Variants in NKAIN2 observed in about 807,000 individuals in gnomAD.
NKAIN2 encodes sodium/potassium-transporting ATPase subunit beta-1-interacting protein 2.
Under a neutral mutation model 32.6 loss-of-function variants are expected in NKAIN2, and 14 were observed. The ratio of observed to expected loss-of-function variants is 0.43; its 90% CI spans 0.28 to 0.67. NKAIN2 has a LOEUF of 0.67. Among genes scored for constraint, NKAIN2 ranks in the 30% least tolerant of loss-of-function variants. The pLI is 0.17. For synonymous variants in NKAIN2, 80 were observed against 87.2 expected, an observed-to-expected ratio of 0.92 and a Z score of 0.46; for missense variants, 198 against 258.3, an observed-to-expected ratio of 0.77 and a Z score of 1.60.
At chr6:124,752,541 A>ATG (rs138478641) in intron 4 of NKAIN2, among the ~76,000 whole-genome samples, 4,149 of 148,968 alleles carry the variant, frequency 0.028, 63 homozygotes, top group Non-Finnish European at 0.033. Context: ...ATATGTGGGT[A>ATG]TGTGTGTGTG....
chr6:124,616,098 A>C (rs151218882), intron 3 of NKAIN2, among the ~76,000 whole-genome samples: 56 of 151,782 alleles, frequency 3.7e-4, no homozygotes, highest in African/African-American at 1.4e-3. Context: ...TTTCTTTTGT[A>C]TTCTTCCCTT....
At chr6:124,277,163 G>C (rs907217500) in intron 1 of NKAIN2, among the ~76,000 whole-genome samples, 4 of 151,942 alleles carry the variant, frequency 2.6e-5, no homozygotes, top group Non-Finnish European at 2.9e-5. Flanking sequence ...ATCTCTGTGG[G>C]GCAGGAAACA....
chr6:124,201,707 G>A (rs980425673), intron 1 of NKAIN2, among the ~76,000 whole-genome samples: 1 of 151,908 alleles, frequency 6.6e-6, no homozygotes, highest in Non-Finnish European at 1.5e-5. Flanking sequence ...TACAATATTC[G>A]TTTTCACGTC....
intron 2 of NKAIN2, among the ~76,000 whole-genome samples, chr6:124,303,645 C>T (rs1562481003): frequency 2.0e-5 from 3 of 152,194 alleles, no homozygotes; most frequent in Non-Finnish European, 4.4e-5. Context: ...CAGAACTCAA[C>T]AAGGTGGGTT....
chr6:123,842,627 T>A (rs1168831510), intron 1 of NKAIN2, among the ~76,000 whole-genome samples: 1 of 152,120 alleles, frequency 6.6e-6, no homozygotes, highest in Non-Finnish European at 1.5e-5. Context: ...CTTCAGCAAG[T>A]GGAATCTTTG....
At chr6:124,573,484 T>TTAAAAAA (rs1781212059) in intron 3 of NKAIN2, among the ~76,000 whole-genome samples, 1 of 152,158 alleles carries the variant, frequency 6.6e-6, no homozygotes, top group Non-Finnish European at 1.5e-5. Flanking sequence ...TCTCTTTTTC[T>TTAAAAAA]GGGTATTTTA....
chr6:123,867,051 A>G (rs1772562421), intron 1 of NKAIN2, among the ~76,000 whole-genome samples: 2 of 152,134 alleles, frequency 1.3e-5, no homozygotes, highest in Admixed American at 6.5e-5. Context: ...GACCTCCACT[A>G]TTATCTGTCT....
intron 4 of NKAIN2, among the ~76,000 whole-genome samples, chr6:124,722,628 C>A (rs1199737792): frequency 1.3e-5 from 2 of 152,198 alleles, no homozygotes; most frequent in East Asian, 3.9e-4. Flanking sequence ...CAACAGGAGG[C>A]AGAGCTCAGA....
At chr6:124,216,961 T>C (rs1407780517) in intron 1 of NKAIN2, among the ~76,000 whole-genome samples, 1 of 152,132 alleles carries the variant, frequency 6.6e-6, no homozygotes, top group African/African-American at 2.4e-5. Context: ...ATAACAAGAA[T>C]TGACTGTATA....
At chr6:124,635,900 C>T (rs1234240292) in intron 3 of NKAIN2, among the ~76,000 whole-genome samples, 2 of 151,896 alleles carry the variant, frequency 1.3e-5, no homozygotes, top group South Asian at 2.1e-4. Context: ...AGAAAATCAA[C>T]AAAGAAACAT....
rs150763648 is a variant in NKAIN2, at chr6:124,553,106, C to A, written c.274-105080C>A. 4.3e-3 allele frequency among the ~76,000 whole-genome samples: 657 copies of A among 152,208 alleles called. 5 individuals carry two copies. Among genetic ancestry groups the A allele is most frequent in the African/African-American group, 0.015 (618 of 41,534 alleles). ...TTTTGTGCTCAAAAATGTTTAATAG[C>A]TTGTGGATGAAAAATTTCAAAATTG... is the stretch of plus-strand genomic sequence containing the variant. On this transcript the variant is annotated intron_variant, in intron 3 of 6. Coordinates refer to ENST00000368417, the MANE Select transcript of NKAIN2 (RefSeq NM_001040214.3).
In NKAIN2 at chr6:124,492,015, A is replaced by G. The variant is rs980086385; in HGVS notation, c.273+136668A>G. Among the ~76,000 whole-genome samples, 74 of 152,086 alleles carry G rather than the reference A, an allele frequency of 4.9e-4. 1 individual carries two copies. Among genetic ancestry groups the G allele is most frequent in the Non-Finnish European group, 5.9e-5 (4 of 67,898 alleles). ...GCTGAAACCATTGAAGCCAATGACA[A>G]TGGTGAATTTAAAAAGAATGAGATT... On this transcript the variant is annotated intron_variant, in intron 3 of 6. Coordinates refer to ENST00000368417, the MANE Select transcript of NKAIN2 (RefSeq NM_001040214.3).
intron 1 of NKAIN2, among the ~76,000 whole-genome samples, chr6:124,031,481 A>G (rs2114787229): frequency 6.6e-6 from 1 of 152,130 alleles, no homozygotes; most frequent in African/African-American, 2.4e-5. Context: ...TTGCTTCTCT[A>G]GTTCTTTTAA....
rs553108080 is a variant in NKAIN2 at position 124,150,492 on chromosome 6, C to T, written c.55-132513C>T. On this transcript the variant is annotated intron_variant, in intron 1 of 6. Coordinates refer to ENST00000368417, the MANE Select transcript of NKAIN2 (RefSeq NM_001040214.3). The stretch of plus-strand genomic sequence containing the variant: ...TTTGCCTTATACATTAATGATATTA[C>T]CTGGTGCTCATGCCACATCCTATTC... Among the ~76,000 whole-genome samples the T allele has an allele frequency of 1.1e-3, 174 of 152,070 alleles. 2 individuals carry two copies. Among genetic ancestry groups the T allele is most frequent in the Middle Eastern group, 6.8e-3 (2 of 294 alleles).
At chr6:124,006,958 G>A (rs1780103068) in intron 1 of NKAIN2, among the ~76,000 whole-genome samples, 1 of 152,172 alleles carries the variant, frequency 6.6e-6, no homozygotes, top group Admixed American at 6.6e-5. Context: ...TAGTAATACA[G>A]TCATACATTA....
chr6:124,778,972 T>C (rs1779112586), intron 4 of NKAIN2, among the ~76,000 whole-genome samples: 1 of 152,048 alleles, frequency 6.6e-6, no homozygotes, highest in African/African-American at 2.4e-5. Context: ...GCATTCATAG[T>C]TATGATTTTT....
At chr6:123,824,916 T>C (rs962094044) in intron 1 of NKAIN2, among the ~76,000 whole-genome samples, 8 of 152,066 alleles carry the variant, frequency 5.3e-5, no homozygotes, top group African/African-American at 1.9e-4. Flanking sequence ...AGGAAGTACA[T>C]GATGTGCTTT....
chr6:124,677,408 T>A (rs1165307850), intron 4 of NKAIN2, among the ~76,000 whole-genome samples: 1 of 152,182 alleles, frequency 6.6e-6, no homozygotes, highest in African/African-American at 2.4e-5. Flanking sequence ...TCTTGTAGGT[T>A]TTTTTCATCT....
At chr6:124,493,717 C>CA (rs71021496) in intron 3 of NKAIN2, among the ~76,000 whole-genome samples, 14 of 85,826 alleles carry the variant, frequency 1.6e-4, no homozygotes, top group African/African-American at 6.3e-4. Context: ...CCCCCCCCTC[C>CA]AAAAAAAAAA....
Sources: allele counts gnomAD v4.1 joint callset (sites outside exome capture counted in the v4.1 genomes callset), GRCh38; gene constraint gnomAD v4.1.1; transcripts MANE v1.5; gene names NCBI Gene and HGNC (gene_info 2026-07-23, HGNC 2026-07-21).